Variants in TNRC18 observed in about 807,000 individuals in gnomAD.
The protein encoded by TNRC18 is trinucleotide repeat-containing gene 18 protein.
TNRC18 carries 69 observed loss-of-function variants against 226.7 expected under a neutral mutation model. The observed-to-expected ratio is 0.30, with a 90% confidence interval of 0.25 to 0.37. The LOEUF (loss-of-function observed/expected upper bound fraction) is 0.37, where lower values mean the gene tolerates loss of function less well. Among genes scored for constraint, TNRC18 ranks in the 10% least tolerant of loss-of-function variants. The pLI, the probability that TNRC18 is intolerant of heterozygous loss-of-function variation, is 1.00. For missense variants in TNRC18, 4,754 were observed against 4,256.6 expected, an observed-to-expected ratio of 1.12 and a Z score of -3.25; for synonymous variants, 2,449 against 1,927.6, an observed-to-expected ratio of 1.27 and a Z score of -7.09.
chr7:5,409,083 T>G (rs1430776696), intron 2 of TNRC18, among the ~76,000 whole-genome samples: 1 of 152,146 alleles, frequency 6.6e-6, no homozygotes, highest in Admixed American at 6.5e-5. Flanking sequence ...AGGAAAGATC[T>G]TTTTACAGAG....
At position 5,370,862 on chromosome 7, in the gene TNRC18, G is replaced by A. The variant is rs368772924; in HGVS notation, c.3732C>T (p.Asp1244=). The part of the protein sequence containing the change: ...GRTEPCTAAL[D]LGVQLTPETL... Reference sequence around the variant, plus strand: ...TCTCGGGTGTCAGCTGCACCCCCAGGTCCAGGGCGGCGGTGCAGGGTTCTG... The same window carrying A: ...TCTCGGGTGTCAGCTGCACCCCCAGATCCAGGGCGGCGGTGCAGGGTTCTG... The change falls in exon 11 of 30, where the codon GAC becomes GAT. Residue 1244 remains aspartate (D), a synonymous_variant. Transcript: ENST00000430969. The A allele has an allele frequency of 1.7e-5, 27 of 1,608,388 alleles. No individual in the cohort carries two copies. The African/African-American group carries it at 3.5e-4, about 21-fold the overall frequency.
In TNRC18 at chr7:5,307,535, C is replaced by G. The variant is rs1445722175; in HGVS notation, c.*571G>C. ...ACAGACACTCCGGGCTGCAACCCCA[C>G]CCGGCTCTGTTCCCCAAGTCTAGGC... On this transcript the variant is annotated 3_prime_UTR_variant, in exon 30 of 30. Transcript: ENST00000430969. 7 of 449,756 alleles carry G rather than the reference C, an allele frequency of 1.6e-5. No individual in the cohort carries two copies. The highest frequency in any genetic ancestry group is 2.2e-5 in the Non-Finnish European group (5 of 224,256). The allele number at this position is 449,756 out of a possible 1,614,324, so 27.9% of individuals were successfully genotyped here. A position where few individuals can be genotyped will look rare whatever the true frequency, so the allele number is the denominator to read the frequency against.
At position 5,416,007 on chromosome 7, in the gene TNRC18, G is replaced by A. The variant is rs1200804056; in HGVS notation, c.187+5053C>T. Among the ~76,000 whole-genome samples the A allele has an allele frequency of 4.0e-5, 6 of 151,802 alleles. No homozygotes were observed. In the East Asian group the frequency reaches 5.9e-4, roughly 15 times the overall value. On this transcript the variant is annotated intron_variant, in intron 2 of 29. Coordinates refer to ENST00000430969, the MANE Select transcript of TNRC18 (RefSeq NM_001080495.3). ...CAGGCGCCTGTAATCCCAGCTACTC[G>A]GGGAGGCTGAAGCAGAATTGCTTGA...
chr7:5,387,050 G>C (rs1013818440), intron 5 of TNRC18, among the ~76,000 whole-genome samples: 3 of 152,088 alleles, frequency 2.0e-5, no homozygotes, highest in African/African-American at 7.2e-5. Context: ...CTCCAGCCTG[G>C]GCAACAAGAG....
intron 17 of TNRC18, among the ~76,000 whole-genome samples, chr7:5,350,626 A>G (rs1245480963): frequency 6.6e-6 from 1 of 152,178 alleles, no homozygotes; most frequent in African/African-American, 2.4e-5. Context: ...CAGGGCTAGG[A>G]AAAAATGTCA....
chr7:5,340,666 C>T (rs1176532488), intron 18 of TNRC18, among the ~76,000 whole-genome samples: 5 of 151,356 alleles, frequency 3.3e-5, no homozygotes, highest in African/African-American at 1.2e-4. Flanking sequence ...TCACTTGAAC[C>T]CGGGAGGCAG....
Position 5,371,228 on chromosome 7 carries a change from C to T in TNRC18, c.3366G>A (p.Glu1122=). ...PDVPLPADGP[E]RLALSPEDKP... ...TGTCTTCGGGTGAGAGTGCCAGGCG[C>T]TCGGGCCCATCAGCCGGGAGCGGCA... is the stretch of plus-strand genomic sequence containing the variant. Residue 1122 remains glutamate, a synonymous_variant, in exon 11 of 30, where the codon GAG becomes GAA. Coordinates refer to ENST00000430969, the MANE Select transcript of TNRC18 (RefSeq NM_001080495.3). The T allele has an allele frequency of 6.2e-7, 1 of 1,605,594 alleles. No homozygotes were observed. Among genetic ancestry groups the T allele is most frequent in the Non-Finnish European group, 8.5e-7 (1 of 1,174,950 alleles).
intron 19 of TNRC18, among the ~76,000 whole-genome samples, chr7:5,326,730 C>T (rs1435445584): frequency 6.6e-6 from 1 of 151,692 alleles, no homozygotes; most frequent in Non-Finnish European, 1.5e-5. Flanking sequence ...TCACTTGCAC[C>T]CGGTAGGCGG....
chr7:5,380,916 C>T (rs1370619409), intron 5 of TNRC18, among the ~76,000 whole-genome samples: 1 of 152,200 alleles, frequency 6.6e-6, no homozygotes, highest in African/African-American at 2.4e-5. Flanking sequence ...CCTCACGCCC[C>T]CTGGGTCCTC....
At position 5,387,734 on chromosome 7, in the gene TNRC18, C is replaced by T. The variant is rs1199975871; in HGVS notation, c.2090G>A (p.Ser697Asn). Residue 697 changes from serine to asparagine, a missense_variant, in exon 5 of 30, where the codon AGT becomes AAT. Coordinates refer to ENST00000430969, the MANE Select transcript of TNRC18 (RefSeq NM_001080495.3). ...AVARQKDSGGSGRLGPGLVDQ... is the reference protein window; with the variant it reads ...AVARQKDSGGNGRLGPGLVDQ... ...TACCAGCCCAGGCCCCAGCCGGCCACTGCCGCCACTGTCCTTCTGCCGGGC... is the reference window on the plus strand; with the variant it reads ...TACCAGCCCAGGCCCCAGCCGGCCATTGCCGCCACTGTCCTTCTGCCGGGC... 1 of 1,606,392 alleles carries T rather than the reference C, an allele frequency of 6.2e-7. No individual in the cohort carries two copies. Among genetic ancestry groups the T allele is most frequent in the Non-Finnish European group, 8.5e-7 (1 of 1,179,778 alleles).
chr7:5,337,376 C>T (rs1399535448), intron 18 of TNRC18, among the ~76,000 whole-genome samples: 2 of 151,806 alleles, frequency 1.3e-5, no homozygotes, highest in East Asian at 1.9e-4. Context: ...CCCAACTACT[C>T]GGGAGGCTGA....
At chr7:5,423,168 G>C (rs945503590) in intron 1 of TNRC18, 1 of 152,278 alleles carries the variant, frequency 6.6e-6, no homozygotes, top group African/African-American at 2.4e-5. Flanking sequence ...GCTGGGAACC[G>C]AGAGAGGAAC....
intron 12 of TNRC18, 85 bp downstream of exon 12, chr7:5,362,565 C>A: frequency 3.7e-6 from 5 of 1,338,318 alleles, no homozygotes; most frequent in Admixed American, 5.7e-5. Context: ...GCCAGCCACG[C>A]CCCAGGCAGT....
rs564269010 is a variant in TNRC18 at position 5,394,862 on chromosome 7, C to A, written c.188-267G>T. On this transcript the variant is annotated intron_variant, in intron 2 of 29. Coordinates refer to ENST00000430969, the MANE Select transcript of TNRC18 (RefSeq NM_001080495.3). The surrounding 1 kb of genome is among the most constrained non-coding windows in gnomAD (Gnocchi z 4.5). Reference sequence around the variant, plus strand: ...CACAGCAGACCCTCAGCCCTGGGCACCCCGCACCCTCGGAGGAGGGCCTTC... The same window carrying A: ...CACAGCAGACCCTCAGCCCTGGGCAACCCGCACCCTCGGAGGAGGGCCTTC... Among the ~76,000 whole-genome samples the A allele has an allele frequency of 6.6e-6, 1 of 152,206 alleles. No homozygotes were observed. Among genetic ancestry groups the A allele is most frequent in the Admixed American group, 6.5e-5 (1 of 15,288 alleles).
In TNRC18 at chr7:5,345,776, CTCCTCCTCCTCG is replaced by C. The variant is rs774507952; in HGVS notation, c.5493_5504del (p.Asp1831_Glu1834del). 112 of 1,546,080 alleles carry C rather than the reference CTCCTCCTCCTCG, an allele frequency of 7.2e-5. No individual in the cohort carries two copies. Among genetic ancestry groups the C allele is most frequent in the African/African-American group, 3.8e-4 (28 of 73,074 alleles). ...CGCTGGCCTCGTCCTCCTCCTCGAG[CTCCTCCTCCTCG>C]TCCTCCTCCTCCGAGCTCTCATCTG... On this transcript the variant is annotated inframe_deletion, in exon 18 of 30. Transcript: ENST00000430969.
intron 26 of TNRC18, among the ~76,000 whole-genome samples, chr7:5,314,558 C>T (rs1157195127): frequency 2.3e-5 from 3 of 129,112 alleles, no homozygotes; most frequent in Non-Finnish European, 3.2e-5. Flanking sequence ...GTGCAGAGTT[C>T]TCTTCTTTTT....
rs202053648 is a variant in TNRC18, at chr7:5,366,318, C to CTTTTTTTTTTTTTTTTTT, written c.4220-3511_4220-3494dup. ...AATGCTTGTTTTGCTCTTCTTATAT[C>CTTTTTTTTTTTTTTTTTT]TTTTTTTTTTTTTTTTTTTTTTTTT... On this transcript the variant is annotated intron_variant, in intron 11 of 29. Coordinates refer to ENST00000430969, the MANE Select transcript of TNRC18 (RefSeq NM_001080495.3). 4.1e-4 allele frequency among the ~76,000 whole-genome samples: 29 copies of CTTTTTTTTTTTTTTTTTT among 70,464 alleles called. 4 individuals carry two copies. The highest frequency in any genetic ancestry group is 6.3e-4 in the African/African-American group (10 of 15,844). The allele number at this position is 70,464 out of a possible 152,430, so 46.2% of individuals were successfully genotyped here.
In TNRC18 at chr7:5,361,453, C is replaced by T. The variant is rs1405046662; in HGVS notation, c.4661+141G>A. On this transcript the variant is annotated intron_variant, in intron 14 of 29. Coordinates refer to ENST00000430969, the MANE Select transcript of TNRC18 (RefSeq NM_001080495.3). ...GGCCCGGGCAGCACAGGCCGTGCTC[C>T]CCGAGGGCCACTGCTGCGGGTAGGT... is the stretch of plus-strand genomic sequence containing the variant. The T allele has an allele frequency of 8.4e-6, 9 of 1,068,194 alleles. No individual in the cohort carries two copies. The East Asian group carries it at 2.4e-4, about 29-fold the overall frequency. 66.2% of individuals were successfully genotyped at this position (1,068,194 alleles called of 1,614,324 possible). A position where few individuals can be genotyped will look rare whatever the true frequency, so the allele number is the denominator to read the frequency against.
In TNRC18 at chr7:5,351,923, T is replaced by G. The variant is rs1562531126; in HGVS notation, c.5366A>C (p.Lys1789Thr). Residue 1789 changes from lysine to threonine, a missense_variant, in exon 17 of 30, where the codon AAA becomes ACA. By Grantham distance (78) the Lys-to-Thr change is moderately conservative. Coordinates refer to ENST00000430969, the MANE Select transcript of TNRC18 (RefSeq NM_001080495.3). ...CTTCCTGCTGGTGGCCGGCTTGGGT[T>G]TCAGAGTCCGGGGGGCCGCCAGGCC... ...KRGLAAPRTL[K>T]PKPATSRKQP... is the part of the protein sequence containing the mutation. 3 of 1,613,622 alleles carry G rather than the reference T, an allele frequency of 1.9e-6. No homozygotes were observed. Among genetic ancestry groups the G allele is most frequent in the Non-Finnish European group, 1.7e-6 (2 of 1,179,820 alleles).
Sources: gnomAD v4.1 joint callset for allele counts (sites outside exome capture counted in the v4.1 genomes callset) on GRCh38, gnomAD v4.1.1 for gene constraint, Gnocchi (gnomAD v3.1) non-coding constraint, MANE v1.5 for transcripts, NCBI Gene and HGNC (gene_info 2026-07-23, HGNC 2026-07-21) for gene names.